Variants in VEGFC observed in about 807,000 individuals in gnomAD.
The protein encoded by VEGFC is vascular endothelial growth factor C, also known as FLT4 ligand DHM.
In VEGFC, 12 loss-of-function variants were observed where a neutral mutation model predicts 46.1. The ratio of observed to expected loss-of-function variants is 0.26; its 90% confidence interval spans 0.17 to 0.42. The LOEUF (loss-of-function observed/expected upper bound fraction) is 0.42, where lower values mean the gene tolerates loss of function less well. Among genes scored for constraint, VEGFC ranks in the 10% least tolerant of loss-of-function variants. VEGFC has a pLI of 1.00. For missense variants in VEGFC, 488 were observed against 529.4 expected, an observed-to-expected ratio of 0.92 and a Z score of 0.77; for synonymous variants, 232 against 195.5, an observed-to-expected ratio of 1.19 and a Z score of -1.56.
chr4:176,713,595 T>C (rs1251692284), intron 3 of VEGFC, among the ~76,000 whole-genome samples: 2 of 152,146 alleles, frequency 1.3e-5, no homozygotes. Flanking sequence ...CACATATGTG[T>C]GTCTAGAGTT....
At chr4:176,751,430 C>T (rs2110895188) in intron 1 of VEGFC, among the ~76,000 whole-genome samples, 1 of 152,056 alleles carries the variant, frequency 6.6e-6, no homozygotes, top group Admixed American at 6.6e-5. Context: ...ATAGAATGAT[C>T]AAAGAATTCC....
At chr4:176,754,489 C>T (rs1735399930) in intron 1 of VEGFC, among the ~76,000 whole-genome samples, 1 of 152,038 alleles carries the variant, frequency 6.6e-6, no homozygotes, top group African/African-American at 2.4e-5. Context: ...GCTCCATGCT[C>T]TCCTTGGCTC....
At chr4:176,775,412 T>C (rs1579137225) in intron 1 of VEGFC, among the ~76,000 whole-genome samples, 1 of 152,210 alleles carries the variant, frequency 6.6e-6, no homozygotes, top group South Asian at 2.1e-4. Flanking sequence ...AGAGCTTGAG[T>C]ATATTTAAAA....
chr4:176,698,527 T>C (rs575132558), intron 4 of VEGFC, among the ~76,000 whole-genome samples: 1 of 152,244 alleles, frequency 6.6e-6, no homozygotes, highest in South Asian at 2.1e-4. Flanking sequence ...ATGTATACAC[T>C]GTGAAATGAT....
intron 1 of VEGFC, among the ~76,000 whole-genome samples, chr4:176,748,058 A>T (rs986392673): frequency 6.6e-6 from 1 of 152,068 alleles, no homozygotes; most frequent in African/African-American, 2.4e-5. Flanking sequence ...TGAGGCATTC[A>T]ATATGTATAT....
At chr4:176,732,770 C>T (rs1734989375) in intron 1 of VEGFC, among the ~76,000 whole-genome samples, 1 of 150,626 alleles carries the variant, frequency 6.6e-6, no homozygotes, top group Admixed American at 6.6e-5. Context: ...ATAGATGAAG[C>T]AAAGTTTTCT....
rs1182331761 is a variant in VEGFC, at chr4:176,699,044, T to A, written c.705-11117A>T. Reference sequence around the variant, plus strand: ...CAATTCAACTGTAGCACATGATGATTTTCTTGAAAAGCAAATTATTTCTAT... The same window carrying A: ...CAATTCAACTGTAGCACATGATGATATTCTTGAAAAGCAAATTATTTCTAT... On this transcript the variant is annotated intron_variant, in intron 4 of 6. Transcript: ENST00000618562. Among the ~76,000 whole-genome samples the A allele has an allele frequency of 2.6e-5, 4 of 152,314 alleles. No homozygotes were observed. In the East Asian group the frequency reaches 5.8e-4, roughly 22 times the overall value.
chr4:176,710,767 T>C (rs567437493), intron 4 of VEGFC, among the ~76,000 whole-genome samples: 1 of 152,208 alleles, frequency 6.6e-6, no homozygotes, highest in South Asian at 2.1e-4. Context: ...GTAATGCATA[T>C]TAATTCATTA....
intron 3 of VEGFC, among the ~76,000 whole-genome samples, chr4:176,718,007 C>G (rs1445496803): frequency 1.3e-5 from 2 of 152,030 alleles, no homozygotes; most frequent in Non-Finnish European, 2.9e-5. Flanking sequence ...AAAAAGTATA[C>G]ACAGTACCAC....
chr4:176,783,251 C>T (rs1735945615), intron 1 of VEGFC, among the ~76,000 whole-genome samples: 1 of 152,170 alleles, frequency 6.6e-6, no homozygotes, highest in South Asian at 2.1e-4. Flanking sequence ...AAGAGGGTCC[C>T]TTAGGAACAG....
intron 1 of VEGFC, among the ~76,000 whole-genome samples, chr4:176,746,184 C>A (rs531963411): frequency 2.7e-4 from 41 of 152,082 alleles, no homozygotes; most frequent in African/African-American, 9.4e-4. Context: ...ACAAAAAATA[C>A]CTTATCCTCA....
intron 1 of VEGFC, among the ~76,000 whole-genome samples, chr4:176,775,379 T>G (rs1217427945): frequency 6.6e-6 from 1 of 152,228 alleles, no homozygotes; most frequent in East Asian, 1.9e-4. Flanking sequence ...AAACCTTAAC[T>G]TGAAACTCTT....
chr4:176,690,198 G>C (rs959890229), intron 4 of VEGFC, among the ~76,000 whole-genome samples: 1 of 151,980 alleles, frequency 6.6e-6, no homozygotes, highest in African/African-American at 2.4e-5. Flanking sequence ...ACTGTTATTT[G>C]CTTTATCCTG....
chr4:176,740,482 TATAG>T (rs1175807224), intron 1 of VEGFC, among the ~76,000 whole-genome samples: 1 of 111,324 alleles, frequency 9.0e-6, no homozygotes, highest in East Asian at 2.7e-4. Context: ...ATATTCTATA[TATAG>T]AGAGTATATA....
intron 1 of VEGFC, among the ~76,000 whole-genome samples, chr4:176,769,100 C>T (rs1301155792): frequency 6.6e-6 from 1 of 152,112 alleles, no homozygotes; most frequent in East Asian, 1.9e-4. Flanking sequence ...TTCCTCCTTA[C>T]CCCTATCACC....
intron 1 of VEGFC, among the ~76,000 whole-genome samples, chr4:176,756,642 C>T (rs1735437325): frequency 6.6e-6 from 1 of 152,034 alleles, no homozygotes; most frequent in East Asian, 1.9e-4. Flanking sequence ...TAGGTCTTAT[C>T]ATCCATACAG....
At chr4:176,730,331 C>T (rs1734942510) in intron 1 of VEGFC, among the ~76,000 whole-genome samples, 1 of 152,094 alleles carries the variant, frequency 6.6e-6, no homozygotes, top group Non-Finnish European at 1.5e-5. Context: ...ATACCACCTT[C>T]ATAGAAATGA....
chr4:176,790,420 T>C (rs932164318), intron 1 of VEGFC, among the ~76,000 whole-genome samples: 10 of 152,114 alleles, frequency 6.6e-5, no homozygotes, highest in African/African-American at 1.9e-4. Context: ...ATGGTAAAAT[T>C]TGCCATATCA....
intron 1 of VEGFC, among the ~76,000 whole-genome samples, chr4:176,773,624 G>C (rs937324765): frequency 6.6e-6 from 1 of 152,096 alleles, no homozygotes; most frequent in African/African-American, 2.4e-5. Flanking sequence ...ATAGTAGAGA[G>C]GTTAAATAAA....
Sources: gnomAD v4.1 joint callset for allele counts (sites outside exome capture counted in the v4.1 genomes callset) on GRCh38, gnomAD v4.1.1 for gene constraint, MANE v1.5 for transcripts, NCBI Gene and HGNC (gene_info 2026-07-23, HGNC 2026-07-21) for gene names.